MCPH1: variants seen among roughly 807,000 people sequenced by gnomAD.
MCPH1 encodes microcephalin 1, also known as microcephalin.
A neutral mutation model predicts 84.5 loss-of-function variants in MCPH1; 104 were observed. That is an observed-to-expected ratio of 1.23 (90% confidence interval 1.05 to 1.45). The LOEUF is 1.45. Among genes scored for constraint, MCPH1 ranks in the 40% most tolerant of loss-of-function variants. The pLI is 0.00. For missense variants in MCPH1, 1,498 were observed against 1,005.7 expected, an observed-to-expected ratio of 1.49 and a Z score of -6.62; for synonymous variants, 514 against 366.8, an observed-to-expected ratio of 1.40 and a Z score of -4.58.
chr8:6,421,201 C>G (rs1800145948), intron 3 of MCPH1, among the ~76,000 whole-genome samples: 3 of 152,212 alleles, frequency 2.0e-5, no homozygotes, highest in Non-Finnish European at 2.9e-5. Flanking sequence ...TGGCCTCTCC[C>G]TGGCGTCTGC....
intron 11 of MCPH1, among the ~76,000 whole-genome samples, chr8:6,496,683 G>T (rs545850012): frequency 6.6e-6 from 1 of 152,136 alleles, no homozygotes; most frequent in Non-Finnish European, 1.5e-5. Flanking sequence ...TAAATGTAGT[G>T]TTATGACTAA....
Position 6,627,143 on chromosome 8 carries a change from T to G in MCPH1, c.2452+5452T>G, listed in dbSNP as rs935169814. 3.0e-6 allele frequency: 3 copies of G among 984,328 alleles called. No individual in the cohort carries two copies. In the East Asian group the frequency reaches 3.5e-4, roughly 113 times the overall value. 61.0% of individuals were successfully genotyped at this position (984,328 alleles called of 1,614,324 possible). On this transcript the variant is annotated intron_variant, in intron 13 of 13. Transcript: ENST00000344683. The stretch of plus-strand genomic sequence containing the variant: ...CTCATTCATCGTTTCCCCTAATGAC[T>G]GACTGACCAGAAAAATGCACGACGC...
Position 6,601,543 on chromosome 8 carries a change from A to ACACACACACC in MCPH1, c.2215-19908_2215-19907insACACACCCAC, listed in dbSNP as rs1172205807. 5.7e-5 allele frequency among the ~76,000 whole-genome samples: 8 copies of ACACACACACC among 140,776 alleles called. No individual in the cohort carries two copies. The East Asian group carries it at 1.6e-3, about 29-fold the overall frequency. 92.4% of individuals were successfully genotyped at this position (140,776 alleles called of 152,430 possible). ...ATGGGACACACACACACACACACAC[A>ACACACACACC]CACCCCTACGCACACCCACACCCCA... On this transcript the variant is annotated intron_variant, in intron 12 of 13. Transcript: ENST00000344683.
At chr8:6,497,550 C>G (rs918525091) in intron 11 of MCPH1, among the ~76,000 whole-genome samples, 14 of 152,078 alleles carry the variant, frequency 9.2e-5, no homozygotes, top group African/African-American at 3.4e-4. Flanking sequence ...GCTGCAACCA[C>G]TGACCAGCAC....
At chr8:6,449,513 A>C (rs1804825400) in intron 8 of MCPH1, among the ~76,000 whole-genome samples, 1 of 152,114 alleles carries the variant, frequency 6.6e-6, no homozygotes. Flanking sequence ...CATGCCTATA[A>C]TCTCAGCTAC....
rs1798212250 is a variant in MCPH1, at chr8:6,646,270, C to G, written c.*3221C>G. ...TGAAACCTTGTCTCTACTAGAAATA[C>G]AAAAAATTAGCCAGGCATGATGGCA... On this transcript the variant is annotated 3_prime_UTR_variant, in exon 14 of 14. Coordinates refer to ENST00000344683, the MANE Select transcript of MCPH1 (RefSeq NM_024596.5). The G allele has an allele frequency of 1.3e-5, 2 of 152,030 alleles. No individual in the cohort carries two copies. Among genetic ancestry groups the G allele is most frequent in the African/African-American group, 4.8e-5 (2 of 41,390 alleles). The allele number at this position is 152,030 out of a possible 1,614,324, so 9.4% of individuals were successfully genotyped here.
At chr8:6,592,191 C>G (rs1462237381) in intron 12 of MCPH1, among the ~76,000 whole-genome samples, 15 of 152,114 alleles carry the variant, frequency 9.9e-5, no homozygotes, top group Admixed American at 9.2e-4. Flanking sequence ...CTTGTTCTGT[C>G]ACCCAAACTG....
At chr8:6,492,135 C>A (rs1484832680) in intron 11 of MCPH1, among the ~76,000 whole-genome samples, 1 of 152,154 alleles carries the variant, frequency 6.6e-6, no homozygotes, top group Non-Finnish European at 1.5e-5. Context: ...CTCTCCAGCA[C>A]CTGTTGTTTC....
intron 12 of MCPH1, among the ~76,000 whole-genome samples, chr8:6,606,537 C>G (rs17631643): frequency 6.6e-6 from 1 of 152,130 alleles, no homozygotes; most frequent in Non-Finnish European, 1.5e-5. Context: ...CAGTGCCTGT[C>G]GACCAGGGAG....
At chr8:6,489,198 G>T (rs577945729) in intron 11 of MCPH1, among the ~76,000 whole-genome samples, 8 of 152,242 alleles carry the variant, frequency 5.3e-5, no homozygotes, top group African/African-American at 1.9e-4. Context: ...TCAGAGGAAA[G>T]GTTAACTATT....
rs1798135682 is a variant in MCPH1, at chr8:6,644,837, G to A, written c.*1788G>A. On this transcript the variant is annotated 3_prime_UTR_variant, in exon 14 of 14. Transcript: ENST00000344683. ...CTAGAATGAACCTTTGAGAAGGGAG[G>A]TAGCAGTGCATTGTATAGGAATTGG... is the stretch of plus-strand genomic sequence containing the variant. 6.6e-6 allele frequency: 1 copy of A among 152,162 alleles called. No homozygotes were observed. The highest frequency in any genetic ancestry group is 1.5e-5 in the Non-Finnish European group (1 of 68,034). 9.4% of individuals were successfully genotyped at this position (152,162 alleles called of 1,614,324 possible).
At chr8:6,627,528 A>G (rs1796831031) in intron 13 of MCPH1, among the ~76,000 whole-genome samples, 1 of 152,262 alleles carries the variant, frequency 6.6e-6, no homozygotes, top group African/African-American at 2.4e-5. Context: ...ATCTACCAGC[A>G]TATAAATGAA....
chr8:6,633,583 C>T (rs1041953087), intron 13 of MCPH1, among the ~76,000 whole-genome samples: 5 of 152,068 alleles, frequency 3.3e-5, no homozygotes, highest in African/African-American at 4.8e-5. Flanking sequence ...CACAGGTGCA[C>T]GACACAGTTG....
At chr8:6,408,685 A>T (rs1454094569) in intron 1 of MCPH1, among the ~76,000 whole-genome samples, 2 of 147,856 alleles carry the variant, frequency 1.4e-5, no homozygotes, top group African/African-American at 5.0e-5. Context: ...TTTCCCACCC[A>T]GTAGCTGGGA....
At chr8:6,430,685 A>C (rs575287414) in intron 3 of MCPH1, among the ~76,000 whole-genome samples, 2 of 152,178 alleles carry the variant, frequency 1.3e-5, no homozygotes, top group Non-Finnish European at 2.9e-5. Context: ...TGTGAGGGAT[A>C]GTTGGAGAGG....
intron 8 of MCPH1, chr8:6,447,172 T>A (rs79143742): frequency 0.04 from 39,612 of 985,426 alleles, 863 homozygotes; most frequent in Middle Eastern, 0.1. Context: ...CGAACCCTTT[T>A]ATAGTAATAA....
At chr8:6,473,997 A>T in intron 9 of MCPH1, 1 of 931,138 alleles carries the variant, frequency 1.1e-6, no homozygotes. Context: ...AAAATCTCAC[A>T]CTGAATATTG....
At chr8:6,624,632 G>A (rs565721268) in intron 13 of MCPH1, among the ~76,000 whole-genome samples, 1 of 151,980 alleles carries the variant, frequency 6.6e-6, no homozygotes, top group Non-Finnish European at 1.5e-5. Context: ...CATACTTCTG[G>A]CTTTTCTCAC....
chr8:6,488,775 G>A (rs941000951), intron 11 of MCPH1, among the ~76,000 whole-genome samples: 2 of 152,090 alleles, frequency 1.3e-5, no homozygotes, highest in Non-Finnish European at 2.9e-5. Context: ...GGCAGCTTTT[G>A]TCTCTGTGGC....
Sources: allele counts gnomAD v4.1 joint callset (sites outside exome capture counted in the v4.1 genomes callset), GRCh38; gene constraint gnomAD v4.1.1; transcripts MANE v1.5; gene names NCBI Gene and HGNC (gene_info 2026-07-23, HGNC 2026-07-21).